Variants in LRRK2 observed in about 807,000 individuals in gnomAD.
LRRK2 encodes leucine rich repeat kinase 2.
Under a neutral mutation model 302.6 loss-of-function variants are expected in LRRK2, and 203 were observed. The observed-to-expected ratio is 0.67, with a 90% CI of 0.60 to 0.75. LRRK2 has a LOEUF of 0.75. LRRK2 is among the 30% of genes least tolerant of loss of function. The probability of loss-of-function intolerance (pLI) is 0.00; values close to 1 mark genes in which losing one functional copy is unlikely to be tolerated. For missense variants in LRRK2, 2,830 were observed against 2,951.0 expected, an observed-to-expected ratio of 0.96 and a Z score of 0.95; for synonymous variants, 1,066 against 1,031.9, an observed-to-expected ratio of 1.03 and a Z score of -0.63.
chr12:40,341,502 A>T (rs1324047476), intron 41 of LRRK2, among the ~76,000 whole-genome samples: 1 of 152,162 alleles, frequency 6.6e-6, no homozygotes, highest in South Asian at 2.1e-4. Context: ...TCTCATAAAC[A>T]CTTCAAAGTG....
At chr12:40,321,290 C>T in intron 35 of LRRK2, 102 bp downstream of exon 35, 2 of 1,140,938 alleles carry the variant, frequency 1.8e-6, no homozygotes, top group Non-Finnish European at 2.5e-6. Context: ...AGTAATATGC[C>T]ATTTTCTCAG....
rs755668901 is a variant in LRRK2, at chr12:40,293,894, CACATATATAT to C, written c.2808+233_2808+242del. Among the ~76,000 whole-genome samples, 26 of 70,556 alleles carry C rather than the reference CACATATATAT, an allele frequency of 3.7e-4. 1 individual carries two copies. Among genetic ancestry groups the C allele is most frequent in the Non-Finnish European group, 7.2e-4 (21 of 29,150 alleles). 46.3% of individuals were successfully genotyped at this position (70,556 alleles called of 152,430 possible). On this transcript the variant is annotated intron_variant, in intron 21 of 50. Transcript: ENST00000298910. ...TATGCAGGGTATGAATTTTTTGGGG[CACATATATAT>C]ATATATATATACTTACAGTACACTT... is the stretch of plus-strand genomic sequence containing the variant.
chr12:40,341,358 G>A (rs768006937), intron 41 of LRRK2, among the ~76,000 whole-genome samples: 1 of 152,146 alleles, frequency 6.6e-6, no homozygotes, highest in African/African-American at 2.4e-5. Flanking sequence ...GTTCTAGTTC[G>A]TTTCCTGCGC....
At chr12:40,281,086 A>C (rs1047836576) in intron 18 of LRRK2, among the ~76,000 whole-genome samples, 1 of 151,764 alleles carries the variant, frequency 6.6e-6, no homozygotes, top group Non-Finnish European at 1.5e-5. Context: ...AAAAAACAAA[A>C]AACGAACCAA....
Position 40,354,288 on chromosome 12 carries a change from T to C in LRRK2, c.6577-11T>C, listed in dbSNP as rs759021381. 6.2e-6 allele frequency: 10 copies of C among 1,611,810 alleles called. No homozygotes were observed. The highest frequency in any genetic ancestry group is 8.5e-6 in the Non-Finnish European group (10 of 1,178,308). The stretch of plus-strand genomic sequence containing the variant: ...TCAAATCCTGCTAAGTATATTTTCT[T>C]TTCTTAACAGGAAGTTGCTGATAGT... On this transcript the variant is annotated splice_polypyrimidine_tract_variant and intron_variant, in intron 44 of 50. Transcript: ENST00000298910.
At chr12:40,325,904 A>G (rs1945532994) in intron 38 of LRRK2, among the ~76,000 whole-genome samples, 1 of 152,186 alleles carries the variant, frequency 6.6e-6, no homozygotes, top group Non-Finnish European at 1.5e-5. Flanking sequence ...GATTCTGTTC[A>G]TGCGTCTGAG....
At chr12:40,308,120 A>T (rs548563765) in intron 28 of LRRK2, among the ~76,000 whole-genome samples, 2 of 152,208 alleles carry the variant, frequency 1.3e-5, no homozygotes, top group East Asian at 3.9e-4. Context: ...AAGACATTAG[A>T]ATATGTATAC....
chr12:40,328,235 A>G, intron 38 of LRRK2, 125 bp from the exon 39 acceptor site: 1 of 721,390 alleles, frequency 1.4e-6, no homozygotes, highest in Admixed American at 2.3e-5. Flanking sequence ...GATTTGATTC[A>G]ATGAAACAAG....
Position 40,352,469 on chromosome 12 carries a change from C to CTTTTTTTTTTTTTTTTTT in LRRK2, c.6576+746_6576+747insTTTTTTTTTTTTTTTTTT, listed in dbSNP as rs1307806388. Among the ~76,000 whole-genome samples, 14 of 104,550 alleles carry CTTTTTTTTTTTTTTTTTT rather than the reference C, an allele frequency of 1.3e-4. 1 individual carries two copies. Among genetic ancestry groups the CTTTTTTTTTTTTTTTTTT allele is most frequent in the Non-Finnish European group, 2.8e-4 (14 of 49,228 alleles). 68.6% of individuals were successfully genotyped at this position (104,550 alleles called of 152,430 possible). A position where few individuals can be genotyped will look rare whatever the true frequency, so the allele number is the denominator to read the frequency against. On this transcript the variant is annotated intron_variant, in intron 44 of 50. Coordinates refer to ENST00000298910, the MANE Select transcript of LRRK2 (RefSeq NM_198578.4). Reference sequence around the variant, plus strand: ...AACATTAGTTCTGAGGTTAAACAATCTTTTTTTTTTAATTGATCATTCTTG... The same window carrying CTTTTTTTTTTTTTTTTTT: ...AACATTAGTTCTGAGGTTAAACAATCTTTTTTTTTTTTTTTTTTTTTTTTTTTTAATTGATCATTCTTG...
At chr12:40,226,510 C>T (rs1940895359) in intron 2 of LRRK2, among the ~76,000 whole-genome samples, 1 of 152,158 alleles carries the variant, frequency 6.6e-6, no homozygotes, top group Non-Finnish European at 1.5e-5. Flanking sequence ...CATGAGGCAT[C>T]TCAATCTTTA....
chr12:40,259,725 CT>C, intron 13 of LRRK2, 121 bp downstream of exon 13: 2 of 1,315,684 alleles, frequency 1.5e-6, no homozygotes, highest in Non-Finnish European at 2.1e-6. Context: ...AAATGTAAAT[CT>C]TTCTGTTAAA....
intron 12 of LRRK2, among the ~76,000 whole-genome samples, chr12:40,259,106 G>A (rs1212610055): frequency 6.6e-6 from 1 of 152,202 alleles, no homozygotes; most frequent in East Asian, 1.9e-4. Flanking sequence ...TTGGGTACCA[G>A]CCTTGTCTCT....
chr12:40,332,546 C>G (rs1181683578), intron 39 of LRRK2, among the ~76,000 whole-genome samples: 1 of 152,086 alleles, frequency 6.6e-6, no homozygotes, highest in African/African-American at 2.4e-5. Context: ...AGTGGCTACA[C>G]TAAGTAAATT....
Position 40,333,007 on chromosome 12 carries a change from C to T in LRRK2, c.5758-1960C>T, listed in dbSNP as rs577785586. 6.0e-5 allele frequency among the ~76,000 whole-genome samples: 9 copies of T among 149,932 alleles called. No individual in the cohort carries two copies. The East Asian group carries it at 1.4e-3, about 23-fold the overall frequency. ...CAACAACAAAAAGAAAGAAAAATGACATTTGACGGTCATTCTACCAGTAGT... is the reference window on the plus strand; with the variant it reads ...CAACAACAAAAAGAAAGAAAAATGATATTTGACGGTCATTCTACCAGTAGT... On this transcript the variant is annotated intron_variant, in intron 39 of 50. Transcript: ENST00000298910.
chr12:40,350,492 C>A (rs997173117), intron 43 of LRRK2, among the ~76,000 whole-genome samples: 1 of 152,140 alleles, frequency 6.6e-6, no homozygotes, highest in Non-Finnish European at 1.5e-5. Flanking sequence ...CCCAAGTAAC[C>A]TTGTCCACCA....
At chr12:40,260,143 G>C (rs1942705368) in intron 13 of LRRK2, among the ~76,000 whole-genome samples, 1 of 151,914 alleles carries the variant, frequency 6.6e-6, no homozygotes, top group African/African-American at 2.4e-5. Flanking sequence ...ACCTATGTCT[G>C]TATTCATCCA....
At chr12:40,238,859 G>A (rs1456492898) in intron 5 of LRRK2, among the ~76,000 whole-genome samples, 1 of 152,104 alleles carries the variant, frequency 6.6e-6, no homozygotes, top group Admixed American at 6.6e-5. Context: ...TGAATTCCCT[G>A]TCTCCTCCCA....
At chr12:40,312,539 T>C (rs1326223066) in intron 31 of LRRK2, among the ~76,000 whole-genome samples, 1 of 152,120 alleles carries the variant, frequency 6.6e-6, no homozygotes, top group East Asian at 1.9e-4. Flanking sequence ...TCTTAGCTCT[T>C]CTCTAATCTT....
At chr12:40,309,400 T>C (rs923644294) in intron 30 of LRRK2, among the ~76,000 whole-genome samples, 167 bp downstream of exon 30, 2 of 152,142 alleles carry the variant, frequency 1.3e-5, no homozygotes, top group Admixed American at 1.3e-4. Context: ...TTCCGAGTAA[T>C]GAAGTCATAA....
Sources: gnomAD v4.1 joint callset for allele counts (sites outside exome capture counted in the v4.1 genomes callset) on GRCh38, gnomAD v4.1.1 for gene constraint, MANE v1.5 for transcripts, NCBI Gene and HGNC (gene_info 2026-07-23, HGNC 2026-07-21) for gene names.